Variants in COL9A3 observed in about 807,000 individuals in gnomAD.
The protein encoded by COL9A3 is collagen type IX alpha 3 chain.
A neutral mutation model predicts 110.2 loss-of-function variants in COL9A3; 82 were observed. The ratio of observed to expected loss-of-function variants is 0.74; its 90% CI spans 0.62 to 0.89. COL9A3 has a LOEUF of 0.89. Ranked by LOEUF, COL9A3 falls within the 40% of genes least tolerant of loss-of-function variation. The probability of loss-of-function intolerance (pLI) is 0.00; values close to 1 mark genes in which losing one functional copy is unlikely to be tolerated. For missense variants in COL9A3, 1,066 were observed against 981.3 expected (o/e 1.09, Z -1.15); for synonymous variants, 494 against 403.8 (o/e 1.22, Z -2.68).
At chr20:62,829,567 G>GA in intron 20 of COL9A3, 61 bp from the exon 21 acceptor site, 1 of 1,611,120 alleles carries the variant, frequency 6.2e-7, no homozygotes, top group Non-Finnish European at 8.5e-7. Flanking sequence ...GGGCTGGGGG[G>GA]CCAGCGACCT....
intron 15 of COL9A3, 91 bp downstream of exon 15, chr20:62,826,911 GC>G (rs999097290): frequency 6.9e-7 from 1 of 1,442,578 alleles, no homozygotes; most frequent in Non-Finnish European, 9.5e-7. Flanking sequence ...CCCCACTGGG[GC>G]CCCTCTTCTG....
chr20:62,838,333 C>T (rs1267860009), intron 30 of COL9A3, among the ~76,000 whole-genome samples: 1 of 152,216 alleles, frequency 6.6e-6, no homozygotes, highest in African/African-American at 2.4e-5. Flanking sequence ...CAGCCTGTTA[C>T]TGGGCTGGGT....
intron 29 of COL9A3, 182 bp from the exon 30 acceptor site, chr20:62,836,901 G>C: frequency 1.2e-6 from 1 of 853,958 alleles, no homozygotes; most frequent in Non-Finnish European, 1.9e-6. Flanking sequence ...CAGGCTCCAA[G>C]GGGTTGGGGG....
Position 62,840,687 on chromosome 20 carries a change from C to T in COL9A3, c.2010C>T (p.Ala670=), listed in dbSNP as rs34911725. 9.4e-4 allele frequency: 1,503 copies of T among 1,600,346 alleles called. 10 individuals carry two copies. In the African/African-American group the frequency reaches 0.012, roughly 13 times the overall value. The change falls in exon 32 of 32, where the codon GCC becomes GCT. Residue 670 remains alanine, a synonymous_variant. Coordinates refer to ENST00000649368, the MANE Select transcript of COL9A3 (RefSeq NM_001853.4). ...GICDTSACQG[A]VLGGVGEKSG... ...GCGACACCTCAGCCTGCCAAGGAGC[C>T]GTGTTAGGAGGGGTCGGGGAGAAAT... is the stretch of plus-strand genomic sequence containing the variant.
Position 62,818,506 on chromosome 20 carries a change from C to T in COL9A3, c.148-12C>T. ...GATTTTCAGGGTTACATGTGGGTGTCTTTCCTCACAGGGAGAAGCTGGTCC... is the reference window on the plus strand; with the variant it reads ...GATTTTCAGGGTTACATGTGGGTGTTTTTCCTCACAGGGAGAAGCTGGTCC... On this transcript the variant is annotated splice_polypyrimidine_tract_variant and intron_variant, in intron 2 of 31. Coordinates refer to ENST00000649368, the MANE Select transcript of COL9A3 (RefSeq NM_001853.4). 6.2e-7 allele frequency: 1 copy of T among 1,612,952 alleles called. No individual in the cohort carries two copies. The highest frequency in any genetic ancestry group is 8.5e-7 in the Non-Finnish European group (1 of 1,179,844).
rs778571449 is a variant in COL9A3 at position 62,828,793 on chromosome 20, C to T, written c.930C>T (p.Gly310=). 2.5e-6 allele frequency: 4 copies of T among 1,612,842 alleles called. No individual in the cohort carries two copies. Among genetic ancestry groups the T allele is most frequent in the African/African-American group, 1.3e-5 (1 of 75,044 alleles). Residue 310 remains glycine, a synonymous_variant, in exon 18 of 32, where the codon GGC becomes GGT. Transcript: ENST00000649368. The stretch of plus-strand genomic sequence containing the variant: ...TGCCGGGCAAGGACGGCCAGAATGG[C>T]GTGCCAGGACTCGATGGCCAGAAGG... ...PGMPGKDGQN[G]VPGLDGQKGE...
At chr20:62,828,881 G>T (rs745584006) in intron 18 of COL9A3, 42 bp from the exon 19 acceptor site, 12 of 1,612,314 alleles carry the variant, frequency 7.4e-6, no homozygotes, top group Non-Finnish European at 1.0e-5. Context: ...GCCTCCCGAG[G>T]CCTCAGCCTC....
chr20:62,817,547 A>G lies in COL9A3; in HGVS notation c.79-20A>G. ...CCCACGGGGGCACCTGCGCTCCTTAATGAGTTTTCTCCGTTTCAGAGAGTG... is the reference window on the plus strand; with the variant it reads ...CCCACGGGGGCACCTGCGCTCCTTAGTGAGTTTTCTCCGTTTCAGAGAGTG... On this transcript the variant is annotated intron_variant, in intron 1 of 31. Coordinates refer to ENST00000649368, the MANE Select transcript of COL9A3 (RefSeq NM_001853.4). The G allele has an allele frequency of 1.3e-6, 2 of 1,527,054 alleles. No individual in the cohort carries two copies. The highest frequency in any genetic ancestry group is 1.8e-6 in the Non-Finnish European group (2 of 1,126,768). The allele number at this position is 1,527,054 out of a possible 1,614,324, so 94.6% of individuals were successfully genotyped here. A position where few individuals can be genotyped will look rare whatever the true frequency, so the allele number is the denominator to read the frequency against.
intron 12 of COL9A3, 70 bp from the exon 13 acceptor site, chr20:62,825,747 G>T: frequency 6.8e-7 from 1 of 1,479,868 alleles, no homozygotes; most frequent in South Asian, 1.2e-5. Flanking sequence ...TGAGTAGGGT[G>T]ACTGGAGGCA....
chr20:62,820,656 TGC>T, intron 5 of COL9A3, among the ~76,000 whole-genome samples: 1 of 152,280 alleles, frequency 6.6e-6, no homozygotes, highest in East Asian at 1.9e-4. Flanking sequence ...GAGTCCGTGG[TGC>T]CCAGGGGTGT....
At chr20:62,821,146 C>G (rs2063509059) in intron 5 of COL9A3, 35 bp from the exon 6 acceptor site, 1 of 1,610,448 alleles carries the variant, frequency 6.2e-7, no homozygotes, top group Non-Finnish European at 8.5e-7. Context: ...AAATAGAGGC[C>G]CAGCCCAACC....
chr20:62,824,561 C>G, intron 11 of COL9A3, 60 bp downstream of exon 11: 2 of 1,507,146 alleles, frequency 1.3e-6, no homozygotes, highest in Non-Finnish European at 1.8e-6. Flanking sequence ...GGCAGCTGGG[C>G]TCCCATGGGG....
chr20:62,824,418 G>T (rs766999523), intron 10 of COL9A3, 27 bp from the exon 11 acceptor site: 2 of 1,586,906 alleles, frequency 1.3e-6, no homozygotes, highest in Admixed American at 3.6e-5. Context: ...TGGCTGGGAG[G>T]GGTCTGACTG....
intron 24 of COL9A3, chr20:62,831,318 T>C (rs2063595649): frequency 1.3e-5 from 2 of 152,342 alleles, no homozygotes; most frequent in Non-Finnish European, 2.9e-5. Flanking sequence ...GGGTCTGGTC[T>C]GGGCCCCAGC....
chr20:62,827,155 C>A, intron 15 of COL9A3, 86 bp from the exon 16 acceptor site: 3 of 1,342,916 alleles, frequency 2.2e-6, no homozygotes, highest in African/African-American at 1.4e-5. Flanking sequence ...GGCTGTCCCC[C>A]GCCCGGGCCT....
At chr20:62,830,614 T>G in intron 24 of COL9A3, 26 bp downstream of exon 24, 1 of 1,496,856 alleles carries the variant, frequency 6.7e-7, no homozygotes, top group Non-Finnish European at 8.9e-7. Flanking sequence ...AGCAGGAAGC[T>G]CCCCTGCACC....
At position 62,824,362 on chromosome 20, in the gene COL9A3, G is replaced by A. The variant is rs552675344; in HGVS notation, c.520-83G>A. ...CCGTCACCGTGCAGAGTGGCCTCCT[G>A]GGGTCCCGCGGGCGCTGACCCCTGC... On this transcript the variant is annotated intron_variant, in intron 10 of 31. Coordinates refer to ENST00000649368, the MANE Select transcript of COL9A3 (RefSeq NM_001853.4). The A allele has an allele frequency of 2.2e-4, 323 of 1,436,884 alleles. No homozygotes were observed. In the African/African-American group the frequency reaches 4.3e-3, roughly 19 times the overall value. The allele number at this position is 1,436,884 out of a possible 1,614,324, so 89.0% of individuals were successfully genotyped here.
At chr20:62,821,134 G>C (rs370248915) in intron 5 of COL9A3, 47 bp from the exon 6 acceptor site, 231 of 1,602,630 alleles carry the variant, frequency 1.4e-4, no homozygotes, top group Non-Finnish European at 1.9e-4. Context: ...GATTGGGTTT[G>C]CAAATAGAGG....
At chr20:62,836,035 C>T (rs2063632141) in intron 27 of COL9A3, 82 bp downstream of exon 27, 3 of 1,609,490 alleles carry the variant, frequency 1.9e-6, no homozygotes, top group Admixed American at 1.7e-5. Context: ...ACCAGGCAGC[C>T]CTGCAGGGCA....
Sources: gnomAD v4.1 joint callset for allele counts (sites outside exome capture counted in the v4.1 genomes callset) on GRCh38, gnomAD v4.1.1 for gene constraint, MANE v1.5 for transcripts, NCBI Gene and HGNC (gene_info 2026-07-23, HGNC 2026-07-21) for gene names.